The following PRKCZ variants were observed in gnomAD, a reference collection of about 807,000 sequenced individuals.
PRKCZ encodes the protein protein kinase C zeta type.
Under a neutral mutation model 79.5 loss-of-function variants are expected in PRKCZ, and 33 were observed. That is an observed-to-expected ratio of 0.41 (90% CI 0.31 to 0.55). The LOEUF is 0.55. Among genes scored for constraint, PRKCZ ranks in the 20% least tolerant of loss-of-function variants. The pLI is 0.19. For missense variants in PRKCZ, 578 were observed against 813.5 expected (o/e 0.71, Z 3.52); for synonymous variants, 342 against 320.9 (o/e 1.07, Z -0.70).
chr1:2,092,586 G>T (rs182663036), intron 4 of PRKCZ, among the ~76,000 whole-genome samples: 2 of 152,126 alleles, frequency 1.3e-5, no homozygotes, highest in Admixed American at 6.5e-5. Context: ...TTGAAGCTCC[G>T]TGGGTTTGTT....
intron 4 of PRKCZ, among the ~76,000 whole-genome samples, chr1:2,078,281 G>T (rs1433996085): frequency 6.6e-6 from 1 of 152,266 alleles, no homozygotes; most frequent in African/African-American, 2.4e-5. Flanking sequence ...TGGGAGGCCA[G>T]TTTGGGGGAT....
chr1:2,054,633 C>T (rs111258393), intron 1 of PRKCZ, among the ~76,000 whole-genome samples: 304 of 152,146 alleles, frequency 2.0e-3, no homozygotes, highest in Middle Eastern at 6.8e-3. Flanking sequence ...GTGCCCACTC[C>T]GGGGTCTAAA....
Position 2,184,910 on chromosome 1 carries a change from C to T in PRKCZ, c.1692-12C>T, listed in dbSNP as rs768626571. 5.0e-6 allele frequency: 8 copies of T among 1,612,364 alleles called. No homozygotes were observed. Among genetic ancestry groups the T allele is most frequent in the Middle Eastern group, 1.6e-4 (1 of 6,084 alleles). On this transcript the variant is annotated splice_polypyrimidine_tract_variant and intron_variant, in intron 17 of 17. Coordinates refer to ENST00000378567, the MANE Select transcript of PRKCZ (RefSeq NM_002744.6). ...CGGTCACCCCCCTCCCCCCTGCCAC[C>T]TTTGCCCACAGGGATGCCATAAAGA...
chr1:2,059,047 G>A (rs905286818), intron 3 of PRKCZ, among the ~76,000 whole-genome samples: 4 of 151,940 alleles, frequency 2.6e-5, no homozygotes, highest in African/African-American at 7.3e-5. Flanking sequence ...CTCTCATCTC[G>A]GCCTCCCAAA....
At chr1:2,155,484 A>G (rs1242496335) in intron 9 of PRKCZ, among the ~76,000 whole-genome samples, 2 of 150,130 alleles carry the variant, frequency 1.3e-5, no homozygotes, top group African/African-American at 2.5e-5. Flanking sequence ...GGTGGTGATG[A>G]AGGTGATGGT....
At chr1:2,069,819 T>TCTG (rs1055074173) in intron 4 of PRKCZ, among the ~76,000 whole-genome samples, 3 of 152,178 alleles carry the variant, frequency 2.0e-5, no homozygotes, top group Non-Finnish European at 4.4e-5. Flanking sequence ...TGGGGTTATT[T>TCTG]CTGCTGCTGC....
chr1:2,121,969 C>T lies in PRKCZ; in HGVS notation c.335-13293C>T, dbSNP rs796738061. Among the ~76,000 whole-genome samples the T allele has an allele frequency of 2.6e-3, 6 of 2,332 alleles. 1 individual carries two copies. Among genetic ancestry groups the T allele is most frequent in the Admixed American group, 7.5e-3 (1 of 134 alleles). 1.5% of individuals were successfully genotyped at this position (2,332 alleles called of 152,430 possible). A position where few individuals can be genotyped will look rare whatever the true frequency, so the allele number is the denominator to read the frequency against. ...AGGGTCACGGCGGTGGTTAGGGTCA[C>T]GGTGGTGGTTAGGGTCACGGCGGTG... is the stretch of plus-strand genomic sequence containing the variant. On this transcript the variant is annotated intron_variant, in intron 4 of 17. Transcript: ENST00000378567.
At chr1:2,156,406 T>C (rs1349073102) in intron 10 of PRKCZ, 1 of 281,450 alleles carries the variant, frequency 3.6e-6, no homozygotes, top group Non-Finnish European at 7.0e-6. Flanking sequence ...TATTAAAATA[T>C]GTACAGCTTC....
intron 16 of PRKCZ, chr1:2,183,483 G>A (rs1457974099): frequency 1.3e-5 from 2 of 152,234 alleles, no homozygotes; most frequent in African/African-American, 4.8e-5. Context: ...GAGTGGGTTA[G>A]AGAGGGAGTG....
At chr1:2,175,366 C>G in intron 16 of PRKCZ, 53 bp downstream of exon 16, 1 of 1,436,820 alleles carries the variant, frequency 7.0e-7, no homozygotes, top group Non-Finnish European at 9.5e-7. Context: ...AACCCCAAAT[C>G]TACCCAACCC....
Position 2,099,985 on chromosome 1 carries a change from T to C in PRKCZ, c.335-35277T>C, listed in dbSNP as rs189470972. On this transcript the variant is annotated intron_variant, in intron 4 of 17. Coordinates refer to ENST00000378567, the MANE Select transcript of PRKCZ (RefSeq NM_002744.6). ...TGCGTCTGTTAGGGGTGACCTGAGG[T>C]CCCTGCTTTGAACCAGCTTGTTGAA... 1.6e-3 allele frequency among the ~76,000 whole-genome samples: 242 copies of C among 152,296 alleles called. 1 individual carries two copies. The highest frequency in any genetic ancestry group is 0.015 in the South Asian group (73 of 4,828).
chr1:2,093,391 G>A (rs1161231205), intron 4 of PRKCZ, among the ~76,000 whole-genome samples: 3 of 152,094 alleles, frequency 2.0e-5, no homozygotes, highest in Non-Finnish European at 4.4e-5. Flanking sequence ...GGTGTGGAGT[G>A]GGGTGCTTGC....
intron 1 of PRKCZ, among the ~76,000 whole-genome samples, chr1:2,052,972 C>T (rs1044716321): frequency 1.3e-5 from 2 of 152,176 alleles, no homozygotes; most frequent in Non-Finnish European, 2.9e-5. Context: ...CACCCCGCCC[C>T]CTGTGGGCCT....
At chr1:2,061,600 G>A (rs1297130143) in intron 4 of PRKCZ, among the ~76,000 whole-genome samples, 2 of 152,202 alleles carry the variant, frequency 1.3e-5, no homozygotes, top group Admixed American at 6.5e-5. Flanking sequence ...CACTCAGCCT[G>A]GTTGGGGACA....
chr1:2,085,098 G>T (rs565806066), intron 4 of PRKCZ, among the ~76,000 whole-genome samples: 6 of 152,240 alleles, frequency 3.9e-5, no homozygotes, highest in Admixed American at 1.3e-4. Flanking sequence ...CTGTGTCCCT[G>T]CCCTCCCTGT....
chr1:2,144,039 A>G, intron 5 of PRKCZ, 171 bp from the exon 6 acceptor site: 1 of 872,930 alleles, frequency 1.1e-6, no homozygotes, highest in East Asian at 2.8e-5. Flanking sequence ...ACCCAAGAGG[A>G]GGCTCTCAAG....
At chr1:2,098,110 C>CAGGTGACCAGGAGTGACTG (rs55716481) in intron 4 of PRKCZ, among the ~76,000 whole-genome samples, 2 of 151,806 alleles carry the variant, frequency 1.3e-5, no homozygotes, top group Non-Finnish European at 2.9e-5. Context: ...AAGGTCAGAG[C>CAGGTGACCAGGAGTGACTG]AGGTGACCAG....
chr1:2,059,812 G>A (rs936804862), intron 4 of PRKCZ, among the ~76,000 whole-genome samples: 1 of 152,228 alleles, frequency 6.6e-6, no homozygotes, highest in Non-Finnish European at 1.5e-5. Flanking sequence ...CGCTTGGCTG[G>A]TTGGTAGCAT....
chr1:2,121,675 T>TTA lies in PRKCZ; in HGVS notation c.335-13587_335-13586insTA, dbSNP rs1557612944. ...ACGGTGGTGGTTAGGGTCGTGGTGG[T>TTA]GGTTAGGGTCACGGTGGTGGTTAGG... is the stretch of plus-strand genomic sequence containing the variant. On this transcript the variant is annotated intron_variant, in intron 4 of 17. Coordinates refer to ENST00000378567, the MANE Select transcript of PRKCZ (RefSeq NM_002744.6). 1.5e-4 allele frequency among the ~76,000 whole-genome samples: 20 copies of TTA among 136,956 alleles called. 2 individuals carry two copies. Among genetic ancestry groups the TTA allele is most frequent in the Non-Finnish European group, 2.0e-4 (13 of 65,084 alleles). 89.8% of individuals were successfully genotyped at this position (136,956 alleles called of 152,430 possible). A position where few individuals can be genotyped will look rare whatever the true frequency, so the allele number is the denominator to read the frequency against.
Sources: gnomAD v4.1 joint callset for allele counts (sites outside exome capture counted in the v4.1 genomes callset) on GRCh38, gnomAD v4.1.1 for gene constraint, MANE v1.5 for transcripts, NCBI Gene and HGNC (gene_info 2026-07-23, HGNC 2026-07-21) for gene names.